ARAP2: variants seen among roughly 807,000 people sequenced by gnomAD.
The protein encoded by ARAP2 is ArfGAP with RhoGAP domain, ankyrin repeat and PH domain 2.
A neutral mutation model predicts 194.5 loss-of-function variants in ARAP2; 148 were observed. The ratio of observed to expected loss-of-function variants is 0.76; its 90% CI spans 0.67 to 0.87. The LOEUF (loss-of-function observed/expected upper bound fraction) is 0.87. Ranked by LOEUF, ARAP2 falls within the 40% of genes least tolerant of loss-of-function variation. The probability of loss-of-function intolerance (pLI) is 0.00; values close to 1 mark genes in which losing one functional copy is unlikely to be tolerated. For synonymous variants in ARAP2, 695 were observed against 683.5 expected, an observed-to-expected ratio of 1.02 and a Z score of -0.26; for missense variants, 2,128 against 1,989.7, an observed-to-expected ratio of 1.07 and a Z score of -1.32.
At chr4:36,141,776 T>G (rs1728398008) in intron 19 of ARAP2, among the ~76,000 whole-genome samples, 1 of 151,618 alleles carries the variant, frequency 6.6e-6, no homozygotes, top group Non-Finnish European at 1.5e-5. Context: ...AGCTGGTTGG[T>G]TTCTCTTTCT....
chr4:36,200,980 C>A (rs1390717007), intron 6 of ARAP2, among the ~76,000 whole-genome samples: 1 of 152,160 alleles, frequency 6.6e-6, no homozygotes, highest in Non-Finnish European at 1.5e-5. Flanking sequence ...GGCTACCATA[C>A]AATACAAATT....
intron 2 of ARAP2, among the ~76,000 whole-genome samples, chr4:36,222,028 G>A (rs1003995095): frequency 1.3e-5 from 2 of 152,106 alleles, no homozygotes; most frequent in African/African-American, 4.8e-5. Context: ...TATTTTACCA[G>A]TTATCCTGAA....
intron 27 of ARAP2, among the ~76,000 whole-genome samples, chr4:36,092,796 C>A (rs866583507): frequency 9.9e-5 from 15 of 151,948 alleles, no homozygotes; most frequent in African/African-American, 3.6e-4. Flanking sequence ...TATTATATTT[C>A]TTTTGAACCC....
At chr4:36,073,903 T>A in intron 31 of ARAP2, 80 bp from the exon 32 acceptor site, 1 of 1,479,584 alleles carries the variant, frequency 6.8e-7, no homozygotes, top group South Asian at 1.3e-5. Flanking sequence ...TTGGTTTCTT[T>A]CCCACATATC....
At position 36,044,759 on chromosome 4, in the gene ARAP2, C is replaced by T. The variant is rs1344626488; in HGVS notation, n.607+1220G>A. 3.9e-5 allele frequency among the ~76,000 whole-genome samples: 6 copies of T among 151,900 alleles called. No individual in the cohort carries two copies. The South Asian group carries it at 1.2e-3, about 32-fold the overall frequency. ...GTAAACAATTAACAGGATGAAGAGACAATCTATAGAACAGGGGAAAATATT... is the reference window on the plus strand; with the variant it reads ...GTAAACAATTAACAGGATGAAGAGATAATCTATAGAACAGGGGAAAATATT... On this transcript the variant is annotated intron_variant and non_coding_transcript_variant, in intron 5 of 12. Coordinates refer to the ARAP2 transcript ENST00000503225.
chr4:36,222,753 T>C (rs189106377), intron 2 of ARAP2, among the ~76,000 whole-genome samples: 112 of 152,194 alleles, frequency 7.4e-4, no homozygotes, highest in African/African-American at 2.5e-3. Flanking sequence ...TGGTATTATA[T>C]GGTAACATGA....
At chr4:36,208,818 T>C (rs989542272) in intron 6 of ARAP2, among the ~76,000 whole-genome samples, 2 of 151,882 alleles carry the variant, frequency 1.3e-5, no homozygotes, top group African/African-American at 4.8e-5. Context: ...CTCATCTCGG[T>C]ATTTTGGTTG....
At chr4:36,023,749 G>A (rs1717413035) in intron 5 of ARAP2, among the ~76,000 whole-genome samples, 1 of 152,156 alleles carries the variant, frequency 6.6e-6, no homozygotes, top group Admixed American at 6.6e-5. Flanking sequence ...ACCTTAGACA[G>A]TGCTGAAAAG....
At chr4:36,208,908 A>T (rs893892166) in intron 6 of ARAP2, among the ~76,000 whole-genome samples, 1 of 152,180 alleles carries the variant, frequency 6.6e-6, no homozygotes, top group African/African-American at 2.4e-5. Context: ...CAGAAAACTT[A>T]CAGCATCTAA....
chr4:36,100,757 ACTTT>A (rs1716668125), intron 27 of ARAP2, among the ~76,000 whole-genome samples: 1 of 151,866 alleles, frequency 6.6e-6, no homozygotes, highest in Non-Finnish European at 1.5e-5. Context: ...TTTCTTTCTT[ACTTT>A]CTTTTTTTAA....
At chr4:36,010,514 T>A (rs2109307655) in intron 9 of ARAP2, among the ~76,000 whole-genome samples, 1 of 152,198 alleles carries the variant, frequency 6.6e-6, no homozygotes, top group Non-Finnish European at 1.5e-5. Context: ...CCTCCATATG[T>A]GAAATGACAC....
chr4:36,059,458 A>G (rs1724049631), intron 1 of ARAP2, among the ~76,000 whole-genome samples: 1 of 152,202 alleles, frequency 6.6e-6, no homozygotes, highest in African/African-American at 2.4e-5. Flanking sequence ...ATGCTGCTTA[A>G]TATCTCTGCA....
At chr4:36,172,253 G>A (rs530357254) in intron 9 of ARAP2, among the ~76,000 whole-genome samples, 3 of 152,284 alleles carry the variant, frequency 2.0e-5, no homozygotes, top group African/African-American at 7.2e-5. Flanking sequence ...TCAGGCCTAG[G>A]GAGAATCGAA....
At chr4:36,133,124 A>C in intron 20 of ARAP2, 102 bp downstream of exon 20, 2 of 1,139,906 alleles carry the variant, frequency 1.8e-6, no homozygotes, top group Non-Finnish European at 2.4e-6. Context: ...ATACTTACAA[A>C]TATAAAGGGT....
At chr4:36,232,570 T>C (rs950130350) in intron 1 of ARAP2, among the ~76,000 whole-genome samples, 1 of 152,228 alleles carries the variant, frequency 6.6e-6, no homozygotes, top group Non-Finnish European at 1.5e-5. Context: ...ATATCCTTCA[T>C]TCACTTTAGT....
At position 36,177,907 on chromosome 4, in the gene ARAP2, A is replaced by G; in HGVS notation, c.1777T>C (p.Tyr593His). ...GCCTTATAGCCTCTCAATTCAAGAT[A>G]TCCACATTTCTCAGGTGTAACAACA... Reference protein sequence around the residue: ...QAVVTPEKCGYLELRGYKAKI... With the variant: ...QAVVTPEKCGHLELRGYKAKI... The change falls in exon 9 of 33, where the codon TAT becomes CAT. Residue 593 changes from tyrosine (Y) to histidine (H), a missense_variant. By Grantham distance (83) the Tyr-to-His change is moderately conservative (BLOSUM62 2). Coordinates refer to ENST00000303965, the MANE Select transcript of ARAP2 (RefSeq NM_015230.4). The G allele has an allele frequency of 6.2e-7, 1 of 1,613,712 alleles. No homozygotes were observed. The highest frequency in any genetic ancestry group is 1.7e-5 in the Admixed American group (1 of 59,976).
chr4:36,182,013 A>G (rs1739389677), intron 8 of ARAP2, among the ~76,000 whole-genome samples: 1 of 152,234 alleles, frequency 6.6e-6, no homozygotes, highest in South Asian at 2.1e-4. Context: ...GCATTCTAGG[A>G]TAAGGTGAAC....
rs765708685 is a variant in ARAP2 at position 36,228,954 on chromosome 4, A to G, written c.533T>C (p.Ile178Thr). Residue 178 changes from isoleucine to threonine, a missense_variant, in exon 2 of 33, where the codon ATA becomes ACA. By Grantham distance (89) the Ile-to-Thr change is moderately conservative. Coordinates refer to ENST00000303965, the MANE Select transcript of ARAP2 (RefSeq NM_015230.4). ...DSLFGSDNIK[I>T]ESLITKKTVD... ...AGTCTTCTTTGTAATCAATGATTCTATTTTAATATTGTCACTACCAAATAA... is the reference window on the plus strand; with the variant it reads ...AGTCTTCTTTGTAATCAATGATTCTGTTTTAATATTGTCACTACCAAATAA... 19 of 1,613,946 alleles carry G rather than the reference A, an allele frequency of 1.2e-5. No individual in the cohort carries two copies. The highest frequency in any genetic ancestry group is 1.6e-5 in the Non-Finnish European group (19 of 1,179,988).
chr4:36,163,229 C>T (rs966995629), intron 11 of ARAP2, among the ~76,000 whole-genome samples: 9 of 150,222 alleles, frequency 6.0e-5, no homozygotes, highest in Non-Finnish European at 8.9e-5. Context: ...ATTTCACAAG[C>T]ATGGAAATAC....
Sources: allele counts gnomAD v4.1 joint callset (sites outside exome capture counted in the v4.1 genomes callset), GRCh38; gene constraint gnomAD v4.1.1; transcripts MANE v1.5; gene names NCBI Gene and HGNC (gene_info 2026-07-23, HGNC 2026-07-21).